CMIP: variants seen among roughly 807,000 people sequenced by gnomAD.
CMIP encodes the protein c-Maf inducing protein, also known as C-Maf-inducing protein.
CMIP carries 13 observed loss-of-function variants against 97.3 expected under a neutral mutation model. That is an observed-to-expected ratio of 0.13 (90% CI 0.09 to 0.21). CMIP has a LOEUF of 0.21. Among genes scored for constraint, CMIP ranks in the 10% least tolerant of loss-of-function variants. The probability of loss-of-function intolerance (pLI) is 1.00; values close to 1 mark genes in which losing one functional copy is unlikely to be tolerated. For synonymous variants in CMIP, 538 were observed against 436.3 expected (o/e 1.23, Z -2.91); for missense variants, 847 against 1,024.9 (o/e 0.83, Z 2.37).
intron 1 of CMIP, among the ~76,000 whole-genome samples, chr16:81,533,061 C>T (rs1169527108): frequency 6.6e-6 from 1 of 152,188 alleles, no homozygotes; most frequent in Non-Finnish European, 1.5e-5. Flanking sequence ...TTGGGCTGTC[C>T]TTGATCATTC....
intron 1 of CMIP, among the ~76,000 whole-genome samples, chr16:81,594,038 C>T (rs1230742165): frequency 1.1e-5 from 1 of 93,418 alleles, no homozygotes; most frequent in East Asian, 4.4e-4. Context: ...CCTCCTCCTC[C>T]CCCTCCTTCT....
intron 1 of CMIP, among the ~76,000 whole-genome samples, chr16:81,605,361 C>T (rs560538712): frequency 1.6e-4 from 25 of 152,318 alleles, no homozygotes; most frequent in Middle Eastern, 3.4e-3. Context: ...ACGCAGCTGC[C>T]TCCTCCCCTA....
intron 3 of CMIP, among the ~76,000 whole-genome samples, chr16:81,638,684 A>C (rs1455553515): frequency 6.6e-6 from 1 of 151,540 alleles, no homozygotes; most frequent in Non-Finnish European, 1.5e-5. Context: ...CCCTCTTTCT[A>C]TAGCCTGTTC....
intron 3 of CMIP, chr16:81,645,414 C>T: frequency 6.7e-7 from 1 of 1,482,964 alleles, no homozygotes; most frequent in Non-Finnish European, 9.0e-7. Flanking sequence ...GAGCAGCAGC[C>T]CCTGCCTGGC....
intron 1 of CMIP, among the ~76,000 whole-genome samples, chr16:81,593,016 C>G (rs1010741773): frequency 6.6e-6 from 1 of 152,264 alleles, no homozygotes; most frequent in African/African-American, 2.4e-5. Context: ...CATCCCTCTT[C>G]TCATGCCCAC....
chr16:81,669,878 G>T (rs1248955666), intron 7 of CMIP, among the ~76,000 whole-genome samples: 2 of 152,186 alleles, frequency 1.3e-5, no homozygotes, highest in African/African-American at 4.8e-5. Context: ...TGTCTCACAA[G>T]TGCCTTTTGA....
chr16:81,691,722 CA>C, intron 10 of CMIP, 52 bp from the exon 11 acceptor site: 1 of 1,524,018 alleles, frequency 6.6e-7, no homozygotes, highest in Non-Finnish European at 9.1e-7. Flanking sequence ...AAAACAGTGC[CA>C]TAAACCTTCC....
chr16:81,679,836 G>A (rs1295181005), intron 10 of CMIP, among the ~76,000 whole-genome samples: 4 of 152,140 alleles, frequency 2.6e-5, no homozygotes, highest in Admixed American at 6.5e-5. Context: ...GTGAGCACCT[G>A]GTTCTGGGAG....
chr16:81,587,006 AT>A (rs1224894330), intron 1 of CMIP, among the ~76,000 whole-genome samples: 1 of 152,224 alleles, frequency 6.6e-6, no homozygotes. Context: ...TGTTTTCCCA[AT>A]TTAGAAAAGT....
intron 1 of CMIP, among the ~76,000 whole-genome samples, chr16:81,462,943 G>T (rs371167006): frequency 1.4e-4 from 21 of 152,196 alleles, no homozygotes; most frequent in East Asian, 7.7e-4. Context: ...AGAATACTAA[G>T]CATGAGAAAA....
intron 1 of CMIP, among the ~76,000 whole-genome samples, chr16:81,511,323 A>C (rs1028869460): frequency 1.3e-5 from 2 of 152,252 alleles, no homozygotes; most frequent in East Asian, 3.8e-4. Context: ...CAAATGTCCA[A>C]TGTTCACATT....
At chr16:81,507,518 G>A (rs2089731428) in intron 1 of CMIP, among the ~76,000 whole-genome samples, 1 of 152,188 alleles carries the variant, frequency 6.6e-6, no homozygotes, top group Non-Finnish European at 1.5e-5. Context: ...TTCTTGGAAT[G>A]AGCATTTTCC....
intron 3 of CMIP, among the ~76,000 whole-genome samples, chr16:81,639,596 C>T (rs537328848): frequency 2.6e-5 from 4 of 152,350 alleles, no homozygotes; most frequent in African/African-American, 9.6e-5. Context: ...CTTTTTAAGA[C>T]AGAATAATGC....
At chr16:81,611,713 C>T (rs1188418235) in intron 2 of CMIP, among the ~76,000 whole-genome samples, 1 of 152,208 alleles carries the variant, frequency 6.6e-6, no homozygotes, top group Non-Finnish European at 1.5e-5. Context: ...TGTCTCTCCC[C>T]TCTTCTCTTC....
At chr16:81,600,570 G>A (rs1026232369) in intron 1 of CMIP, among the ~76,000 whole-genome samples, 1 of 152,218 alleles carries the variant, frequency 6.6e-6, no homozygotes, top group Non-Finnish European at 1.5e-5. Context: ...GCTAGTGGCT[G>A]CCTGGCGCCT....
intron 13 of CMIP, among the ~76,000 whole-genome samples, chr16:81,693,804 G>T (rs891708085): frequency 6.6e-6 from 1 of 152,214 alleles, no homozygotes; most frequent in African/African-American, 2.4e-5. Flanking sequence ...GATCCTGTCT[G>T]GTTCTGCTAT....
chr16:81,595,029 A>G (rs886328308), intron 1 of CMIP, among the ~76,000 whole-genome samples: 2 of 138,314 alleles, frequency 1.4e-5, no homozygotes, highest in South Asian at 4.3e-4. Flanking sequence ...AGGTAATATC[A>G]TGTGGTCTCT....
At chr16:81,683,756 CTTTTTTTTTT>C (rs71272426) in intron 10 of CMIP, among the ~76,000 whole-genome samples, 3 of 81,612 alleles carry the variant, frequency 3.7e-5, no homozygotes, top group Admixed American at 1.5e-4. Flanking sequence ...TTTTCTTTTT[CTTTTTTTTTT>C]TTTTTTTTTT....
intron 1 of CMIP, among the ~76,000 whole-genome samples, chr16:81,579,630 G>A (rs186917335): frequency 7.6e-6 from 1 of 132,038 alleles, no homozygotes; most frequent in Non-Finnish European, 1.7e-5. Flanking sequence ...GCTCCCCCCT[G>A]AAGGCAACAC....
Sources: gnomAD v4.1 joint callset for allele counts (sites outside exome capture counted in the v4.1 genomes callset) on GRCh38, gnomAD v4.1.1 for gene constraint, MANE v1.5 for transcripts, NCBI Gene and HGNC (gene_info 2026-07-23, HGNC 2026-07-21) for gene names.